Variants in CAMTA1 observed in about 807,000 individuals in gnomAD.
CAMTA1 encodes calmodulin binding transcription activator 1.
A neutral mutation model predicts 170.9 loss-of-function variants in CAMTA1; 27 were observed. The observed-to-expected ratio is 0.16, with a 90% CI of 0.12 to 0.22. The LOEUF is 0.22. CAMTA1 is among the 10% of genes least tolerant of loss of function. The pLI is 1.00. For synonymous variants in CAMTA1, 833 were observed against 891.5 expected (o/e 0.93, Z 1.17); for missense variants, 1,619 against 2,217.2 (o/e 0.73, Z 5.42).
At position 7,738,528 on chromosome 1, in the gene CAMTA1, A is replaced by G; in HGVS notation, c.4182+46A>G. 3 of 1,572,964 alleles carry G rather than the reference A, an allele frequency of 1.9e-6. No individual in the cohort carries two copies. Among genetic ancestry groups the G allele is most frequent in the Non-Finnish European group, 1.7e-6 (2 of 1,156,834 alleles). ...AAGCCCGCAGAGGCTGGTGCGTTCC[A>G]GTTGCTGTGATCTTTATGGTCCATT... On this transcript the variant is annotated intron_variant, in intron 16 of 22. Coordinates refer to ENST00000303635, the MANE Select transcript of CAMTA1 (RefSeq NM_015215.4). This position sits in a 1 kb window ranked among gnomAD's most constrained non-coding sequence, Gnocchi z 4.9.
chr1:7,636,305 G>T (rs1170415239), intron 6 of CAMTA1, among the ~76,000 whole-genome samples: 1 of 152,200 alleles, frequency 6.6e-6, no homozygotes, highest in African/African-American at 2.4e-5. Flanking sequence ...GGGGTATGTT[G>T]GAGGATGGGG....
chr1:7,270,230 T>TACACACACAC lies in CAMTA1; in HGVS notation c.438+20609_438+20610insCACACACACA, dbSNP rs1272841719. 7.7e-5 allele frequency among the ~76,000 whole-genome samples: 7 copies of TACACACACAC among 91,196 alleles called. No individual in the cohort carries two copies. The South Asian group carries it at 2.5e-3, about 33-fold the overall frequency. 59.8% of individuals were successfully genotyped at this position (91,196 alleles called of 152,430 possible). Reference sequence around the variant, plus strand: ...ATATATATACATATATACATATATATACACATATATACATACACACACACA... The same window carrying TACACACACAC: ...ATATATATACATATATACATATATATACACACACACACACATATATACATACACACACACA... On this transcript the variant is annotated intron_variant, in intron 5 of 22. Transcript: ENST00000303635.
intron 5 of CAMTA1, among the ~76,000 whole-genome samples, chr1:7,460,719 C>A (rs761590904): frequency 1.3e-5 from 2 of 152,082 alleles, no homozygotes; most frequent in Non-Finnish European, 2.9e-5. Context: ...GAGCTCTTTT[C>A]TTCCATCAGC....
At chr1:7,468,845 C>T (rs1022831931) in intron 6 of CAMTA1, among the ~76,000 whole-genome samples, 3 of 152,038 alleles carry the variant, frequency 2.0e-5, no homozygotes, top group African/African-American at 4.8e-5. Context: ...GTTGGAGGGG[C>T]CTGGCAGCTG....
chr1:7,431,127 G>A (rs565791814), intron 5 of CAMTA1, among the ~76,000 whole-genome samples: 1 of 152,326 alleles, frequency 6.6e-6, no homozygotes, highest in East Asian at 1.9e-4. Context: ...CACTTTATGA[G>A]GACTCAGGGA....
intron 3 of CAMTA1, among the ~76,000 whole-genome samples, chr1:7,053,601 G>T (rs183102223): frequency 6.6e-6 from 1 of 152,242 alleles, no homozygotes; most frequent in African/African-American, 2.4e-5. Context: ...ACCCGCCAGG[G>T]CCCCTCTGAG....
chr1:6,810,319 G>T (rs1315989953), intron 1 of CAMTA1, among the ~76,000 whole-genome samples: 1 of 152,176 alleles, frequency 6.6e-6, no homozygotes, highest in African/African-American at 2.4e-5. Flanking sequence ...CTTTTCGCCA[G>T]CTGTTGGCCC....
chr1:6,941,048 G>A (rs543584888), intron 3 of CAMTA1, among the ~76,000 whole-genome samples: 1 of 148,980 alleles, frequency 6.7e-6, no homozygotes, highest in Non-Finnish European at 1.5e-5. Flanking sequence ...AGGTAGGCAT[G>A]ACTAGTCTCA....
intron 6 of CAMTA1, among the ~76,000 whole-genome samples, chr1:7,566,596 A>G (rs570025970): frequency 6.6e-6 from 1 of 152,034 alleles, no homozygotes; most frequent in African/African-American, 2.4e-5. Flanking sequence ...TCACATGACC[A>G]TGGCTTTGCA....
In CAMTA1 at chr1:7,080,269, T is replaced by TA. The variant is rs1210814430; in HGVS notation, c.235-11035_235-11034insA. Among the ~76,000 whole-genome samples, 5 of 150,732 alleles carry TA rather than the reference T, an allele frequency of 3.3e-5. No homozygotes were observed. The East Asian group carries it at 9.6e-4, about 29-fold the overall frequency. Reference sequence around the variant, plus strand: ...AACTTTTTCTATTCTAAAAGAAATGTTTTTTTAATCTCTCAAAATAGGTGG... The same window carrying TA: ...AACTTTTTCTATTCTAAAAGAAATGTATTTTTTAATCTCTCAAAATAGGTGG... On this transcript the variant is annotated intron_variant, in intron 3 of 22. Coordinates refer to ENST00000303635, the MANE Select transcript of CAMTA1 (RefSeq NM_015215.4).
At chr1:7,276,303 A>ATATTTTTTTTTT in intron 5 of CAMTA1, among the ~76,000 whole-genome samples, 1 of 24,228 alleles carries the variant, frequency 4.1e-5, no homozygotes, top group Non-Finnish European at 6.1e-5. Flanking sequence ...ATATATATAT[A>ATATTTTTTTTTT]TTTTTTTTTT....
Position 7,251,404 on chromosome 1 carries a change from G to A in CAMTA1, c.438+1778G>A, listed in dbSNP as rs972112890. Among the ~76,000 whole-genome samples, 11 of 152,140 alleles carry A rather than the reference G, an allele frequency of 7.2e-5. No homozygotes were observed. The highest frequency in any genetic ancestry group is 2.7e-4 in the African/African-American group (11 of 41,414). On this transcript the variant is annotated intron_variant, in intron 5 of 22. Transcript: ENST00000303635. This position sits in a 1 kb window ranked among gnomAD's most constrained non-coding sequence, Gnocchi z 5.1. ...CAACAGTCTGTCCCCTCAGAACTTC[G>A]GGAAAGGGAGACGGGCAGGATGGGG...
chr1:6,916,920 G>A (rs1053714013), intron 3 of CAMTA1, among the ~76,000 whole-genome samples: 3 of 152,210 alleles, frequency 2.0e-5, no homozygotes, highest in Non-Finnish European at 4.4e-5. Flanking sequence ...GCGGAGGCCT[G>A]TTGAGGTACA....
Position 7,685,049 on chromosome 1 carries a change from G to C in CAMTA1, c.2914+7316G>C, listed in dbSNP as rs2096246723. 6.6e-6 allele frequency among the ~76,000 whole-genome samples: 1 copy of C among 151,974 alleles called. No individual in the cohort carries two copies. The highest frequency in any genetic ancestry group is 1.5e-5 in the Non-Finnish European group (1 of 67,954). On this transcript the variant is annotated intron_variant, in intron 11 of 22. Transcript: ENST00000303635. This position sits in a 1 kb window ranked among gnomAD's most constrained non-coding sequence, Gnocchi z 5.7. ...CCCGCGGTCACAGGTGGCATGTTTT[G>C]AGGAGTTCGCAGGCACCGTCCCGTG...
chr1:7,451,670 C>A (rs1415893120), intron 5 of CAMTA1, among the ~76,000 whole-genome samples: 2 of 152,082 alleles, frequency 1.3e-5, no homozygotes, highest in African/African-American at 4.8e-5. Context: ...GTCAATGAAC[C>A]ATCACTGAGC....
chr1:6,953,997 C>G (rs1688999870), intron 3 of CAMTA1, among the ~76,000 whole-genome samples: 1 of 152,212 alleles, frequency 6.6e-6, no homozygotes, highest in African/African-American at 2.4e-5. Context: ...GGCTTGGGTC[C>G]TTGGGGAGGG....
intron 3 of CAMTA1, among the ~76,000 whole-genome samples, chr1:7,048,746 T>G (rs1484610501): frequency 6.6e-6 from 1 of 152,208 alleles, no homozygotes; most frequent in Non-Finnish European, 1.5e-5. Context: ...GCTTGGGAGC[T>G]GCAGCTTGCA....
At chr1:7,043,024 G>A (rs116304440) in intron 3 of CAMTA1, among the ~76,000 whole-genome samples, 2,190 of 152,308 alleles carry the variant, frequency 0.014, 63 homozygotes, top group African/African-American at 0.051. Flanking sequence ...GCCTGGGTGT[G>A]CTGCAGTGTG....
At chr1:7,762,004 A>C (rs1363915691) in intron 22 of CAMTA1, among the ~76,000 whole-genome samples, 9 of 152,148 alleles carry the variant, frequency 5.9e-5, no homozygotes, top group African/African-American at 2.2e-4. Flanking sequence ...AAATTTTAAA[A>C]TTAGCCAGGT....
Sources: gnomAD v4.1 joint callset for allele counts (sites outside exome capture counted in the v4.1 genomes callset) on GRCh38, gnomAD v4.1.1 for gene constraint, Gnocchi (gnomAD v3.1) non-coding constraint, MANE v1.5 for transcripts, NCBI Gene and HGNC (gene_info 2026-07-23, HGNC 2026-07-21) for gene names.